Variants in PFAS observed in about 807,000 individuals in gnomAD.
PFAS encodes FGAM synthase.
In PFAS, 97 loss-of-function variants were observed where a neutral mutation model predicts 140.6. The observed-to-expected ratio is 0.69, with a 90% CI of 0.59 to 0.82. The LOEUF is 0.82. Ranked by LOEUF, PFAS falls within the 40% of genes least tolerant of loss-of-function variation. The pLI, the probability that PFAS is intolerant of heterozygous loss-of-function variation, is 0.00. For missense variants in PFAS, 1,656 were observed against 1,780.2 expected, an observed-to-expected ratio of 0.93 and a Z score of 1.26; for synonymous variants, 679 against 718.8, an observed-to-expected ratio of 0.94 and a Z score of 0.88.
chr17:8,253,477 C>T (rs147187315), intron 1 of PFAS, among the ~76,000 whole-genome samples: 243 of 152,318 alleles, frequency 1.6e-3, no homozygotes, highest in African/African-American at 4.8e-3. Flanking sequence ...CTATCCATAA[C>T]GCCGCAATTT....
At position 8,254,811 on chromosome 17, in the gene PFAS, G is replaced by GA. The variant is rs1157484357; in HGVS notation, c.279-207dup. Among the ~76,000 whole-genome samples the GA allele has an allele frequency of 3.3e-5, 5 of 151,378 alleles. No homozygotes were observed. The East Asian group carries it at 5.8e-4, about 18-fold the overall frequency. Reference sequence around the variant, plus strand: ...AGAGCAAGACTCTGCCTCACAGAAAGAAAAAAAAATCAAATAGTTTTGATG... The same window carrying GA: ...AGAGCAAGACTCTGCCTCACAGAAAGAAAAAAAAAATCAAATAGTTTTGATG... On this transcript the variant is annotated intron_variant, in intron 3 of 27. Transcript: ENST00000314666.
intron 12 of PFAS, 24 bp from the exon 13 acceptor site, chr17:8,263,085 G>A (rs1271753317): frequency 1.2e-6 from 2 of 1,613,604 alleles, no homozygotes. Context: ...TCGCTGAGCT[G>A]AGCTATGCCA....
At chr17:8,260,113 A>AT (rs999898256) in intron 11 of PFAS, among the ~76,000 whole-genome samples, 35 of 151,366 alleles carry the variant, frequency 2.3e-4, no homozygotes, top group South Asian at 6.3e-4. Flanking sequence ...AAAAAAAAAA[A>AT]TTTTTTTTTA....
rs1253442145 is a variant in PFAS, at chr17:8,270,153, CAGGTGGG to C, written c.*892_*898del. ...TCGGCCTCCCAAAGTGCTGGGATTA[CAGGTGGG>C]AGCCACTACAGCTGGCCCAGCAGCT... On this transcript the variant is annotated 3_prime_UTR_variant, in exon 28 of 28. Transcript: ENST00000314666. The C allele has an allele frequency of 6.6e-6, 1 of 152,206 alleles. No individual in the cohort carries two copies. Among genetic ancestry groups the C allele is most frequent in the Non-Finnish European group, 1.5e-5 (1 of 68,080 alleles). 9.4% of individuals were successfully genotyped at this position (152,206 alleles called of 1,614,324 possible). A position where few individuals can be genotyped will look rare whatever the true frequency, so the allele number is the denominator to read the frequency against.
chr17:8,264,628 C>T (rs754249645), intron 17 of PFAS, 27 bp downstream of exon 17: 1 of 1,574,148 alleles, frequency 6.4e-7, no homozygotes, highest in Non-Finnish European at 8.6e-7. Context: ...TCCTCTGCCC[C>T]CTGCCTCCTT....
In PFAS at chr17:8,253,848, T is replaced by C. The variant is rs80200433; in HGVS notation, c.-79-11T>C. 57 of 1,506,228 alleles carry C rather than the reference T, an allele frequency of 3.8e-5. No homozygotes were observed. The African/African-American group carries it at 7.4e-4, about 19-fold the overall frequency. The allele number at this position is 1,506,228 out of a possible 1,614,324, so 93.3% of individuals were successfully genotyped here. A position where few individuals can be genotyped will look rare whatever the true frequency, so the allele number is the denominator to read the frequency against. On this transcript the variant is annotated splice_polypyrimidine_tract_variant and intron_variant, in intron 1 of 27. Transcript: ENST00000314666. The stretch of plus-strand genomic sequence containing the variant: ...GCCACCACGCCCGGCTTAGTTAATG[T>C]TATTTTTTAGGAACCTAATTCATCT...
intron 1 of PFAS, among the ~76,000 whole-genome samples, chr17:8,251,140 G>T (rs1989133951): frequency 6.6e-6 from 1 of 152,126 alleles, no homozygotes; most frequent in Non-Finnish European, 1.5e-5. Context: ...ACAAAAATTA[G>T]CTGGTCATGG....
At chr17:8,257,003 T>A in intron 9 of PFAS, 40 bp downstream of exon 9, 1 of 1,609,142 alleles carries the variant, frequency 6.2e-7, no homozygotes, top group Non-Finnish European at 8.5e-7. Flanking sequence ...CCCTTCCAGA[T>A]TCCTTGTCCT....
In PFAS at chr17:8,263,956, TG is replaced by T; in HGVS notation, c.1791+23del. The T allele has an allele frequency of 6.2e-7, 1 of 1,609,418 alleles. No individual in the cohort carries two copies. Among genetic ancestry groups the T allele is most frequent in the Non-Finnish European group, 8.5e-7 (1 of 1,179,794 alleles). ...CGGAGAGTGAGTTGGCCCAGGGAGT[TG>T]GGAGCAAACACTGGGGCAGACATGA... On this transcript the variant is annotated intron_variant, in intron 15 of 27. Transcript: ENST00000314666.
intron 15 of PFAS, 124 bp from the exon 16 acceptor site, chr17:8,264,088 G>A (rs1989707241): frequency 1.4e-6 from 2 of 1,462,098 alleles, no homozygotes; most frequent in African/African-American, 2.8e-5. Flanking sequence ...CCAAGGAGGG[G>A]CAGGGACTCA....
chr17:8,264,881 A>G lies in PFAS; in HGVS notation c.2050-14A>G, dbSNP rs1989746792. On this transcript the variant is annotated splice_polypyrimidine_tract_variant and intron_variant, in intron 17 of 27. Coordinates refer to ENST00000314666, the MANE Select transcript of PFAS (RefSeq NM_012393.3). Reference sequence around the variant, plus strand: ...TGTCCCTTGCTCTCTTGCTAACCCCACCTGGTTCCACAGGTGGACCGCTCT... The same window carrying G: ...TGTCCCTTGCTCTCTTGCTAACCCCGCCTGGTTCCACAGGTGGACCGCTCT... The G allele has an allele frequency of 1.3e-6, 2 of 1,531,046 alleles. No individual in the cohort carries two copies. Among genetic ancestry groups the G allele is most frequent in the Non-Finnish European group, 8.9e-7 (1 of 1,127,872 alleles). 94.8% of individuals were successfully genotyped at this position (1,531,046 alleles called of 1,614,324 possible). A position where few individuals can be genotyped will look rare whatever the true frequency, so the allele number is the denominator to read the frequency against.
intron 1 of PFAS, among the ~76,000 whole-genome samples, chr17:8,250,121 T>C (rs1567632321): frequency 6.6e-6 from 1 of 152,162 alleles, no homozygotes; most frequent in Non-Finnish European, 1.5e-5. Context: ...AGGACTGAGC[T>C]TGGCAAGTTA....
At chr17:8,268,499 C>A in intron 26 of PFAS, 34 bp from the exon 27 acceptor site, 1 of 1,536,352 alleles carries the variant, frequency 6.5e-7, no homozygotes, top group Non-Finnish European at 9.0e-7. Context: ...TGAGGTCCTC[C>A]ATGTCTCACC....
In PFAS at chr17:8,256,337, T is replaced by C; in HGVS notation, c.751T>C (p.Phe251Leu). The C allele has an allele frequency of 6.2e-6, 10 of 1,613,812 alleles. No homozygotes were observed. The highest frequency in any genetic ancestry group is 8.5e-6 in the Non-Finnish European group (10 of 1,179,806). ...TGGGCAGAAGCTGGTGCACTCACTGTTTGAGTCCATCATGAGCACCCAGGA... is the reference window on the plus strand; with the variant it reads ...TGGGCAGAAGCTGGTGCACTCACTGCTTGAGTCCATCATGAGCACCCAGGA... ...VDGQKLVHSL[F>L]ESIMSTQESS... Residue 251 changes from phenylalanine to leucine, a missense_variant, in exon 7 of 28, where the codon TTT (phenylalanine) becomes CTT (leucine). Physicochemically the swap from Phe to Leu is conservative, Grantham distance 22. Transcript: ENST00000314666.
intron 13 of PFAS, 78 bp downstream of exon 13, chr17:8,263,343 A>G (rs1989672106): frequency 2.7e-6 from 4 of 1,477,642 alleles, no homozygotes; most frequent in East Asian, 4.5e-5. Context: ...GGTATCAGGA[A>G]TCTCCAACCA....
intron 1 of PFAS, among the ~76,000 whole-genome samples, chr17:8,253,226 A>G (rs1042614041): frequency 1.3e-5 from 2 of 152,158 alleles, no homozygotes; most frequent in African/African-American, 2.4e-5. Flanking sequence ...TTCTCCCCCA[A>G]TAAAATATAA....
intron 1 of PFAS, among the ~76,000 whole-genome samples, chr17:8,252,554 T>C (rs8065961): frequency 0.12 from 18,280 of 151,124 alleles, 1,674 homozygotes; most frequent in East Asian, 0.3. Context: ...CAGGCACGCA[T>C]CACCACGCCC....
Position 8,266,018 on chromosome 17 carries a change from G to A in PFAS, c.2701+1G>A. On this transcript the variant is annotated splice_donor_variant, in intron 21 of 27. Coordinates refer to ENST00000314666, the MANE Select transcript of PFAS (RefSeq NM_012393.3). LOFTEE classifies it high-confidence loss of function. The surrounding 1 kb of genome is among the most constrained non-coding windows in gnomAD (Gnocchi z 5.0). Reference sequence around the variant, plus strand: ...AGCATCACTCAGGGGCTGCTGAAAGGTGAGTGAAGACCCCTGGGGAGATAG... The same window carrying A: ...AGCATCACTCAGGGGCTGCTGAAAGATGAGTGAAGACCCCTGGGGAGATAG... 1 of 1,603,678 alleles carries A rather than the reference G, an allele frequency of 6.2e-7. No homozygotes were observed.
chr17:8,255,358 G>A, intron 4 of PFAS, 144 bp from the exon 5 acceptor site: 1 of 692,666 alleles, frequency 1.4e-6, no homozygotes. Flanking sequence ...TACCTGGAAA[G>A]GGCGTCTTTT....
Sources: allele counts gnomAD v4.1 joint callset (sites outside exome capture counted in the v4.1 genomes callset), GRCh38; gene constraint gnomAD v4.1.1; non-coding constraint Gnocchi (gnomAD v3.1); transcripts MANE v1.5; gene names NCBI Gene and HGNC (gene_info 2026-07-23, HGNC 2026-07-21).